Variants in SYT3 observed in about 807,000 individuals in gnomAD.
SYT3 encodes the protein synaptotagmin-3.
In SYT3, 25 loss-of-function variants were observed where a neutral mutation model predicts 50.6. The ratio of observed to expected loss-of-function variants is 0.49; its 90% CI spans 0.36 to 0.69. The LOEUF (loss-of-function observed/expected upper bound fraction) is 0.69, where lower values mean the gene tolerates loss of function less well. Ranked by LOEUF, SYT3 falls within the 30% of genes least tolerant of loss-of-function variation. The probability of loss-of-function intolerance (pLI) is 0.00; values close to 1 mark genes in which losing one functional copy is unlikely to be tolerated. For missense variants in SYT3, 589 were observed against 793.6 expected, an observed-to-expected ratio of 0.74 and a Z score of 3.10; for synonymous variants, 323 against 353.9, an observed-to-expected ratio of 0.91 and a Z score of 0.98.
intron 3 of SYT3, among the ~76,000 whole-genome samples, chr19:50,634,127 G>T (rs1165323004): frequency 6.6e-6 from 1 of 152,208 alleles, no homozygotes; most frequent in Non-Finnish European, 1.5e-5. Context: ...ACAATCAAAG[G>T]TTTTAGGCTT....
Position 50,632,276 on chromosome 19 carries a change from C to G in SYT3, c.674+10G>C. The G allele has an allele frequency of 6.5e-7, 1 of 1,548,304 alleles. No individual in the cohort carries two copies. Among genetic ancestry groups the G allele is most frequent in the Non-Finnish European group, 8.8e-7 (1 of 1,142,136 alleles). On this transcript the variant is annotated intron_variant, in intron 4 of 10. Coordinates refer to ENST00000600079, the MANE Select transcript of SYT3 (RefSeq NM_001160329.2). This position sits in a 1 kb window ranked among gnomAD's most constrained non-coding sequence, Gnocchi z 4.7. ...TCAGAGTGGACCCCCAACCCAGTAT[C>G]CTCTCTCACCTGGTAGTGGGTGCCA... is the stretch of plus-strand genomic sequence containing the variant.
At chr19:50,658,097 G>C in the SYT3 span, 5 of 1,535,796 alleles carry the variant, frequency 3.3e-6, no homozygotes, top group South Asian at 2.4e-5. Flanking sequence ...GAACATGAAC[G>C]TCATCTGTGG....
upstream of SYT3, among the ~76,000 whole-genome samples, chr19:50,641,110 G>GC (rs1984662221): frequency 6.6e-6 from 1 of 150,952 alleles, no homozygotes; most frequent in African/African-American, 2.4e-5. Flanking sequence ...GTGGTGGCGT[G>GC]CACCTGTAGT....
At chr19:50,655,683 C>CA in the SYT3 span, among the ~76,000 whole-genome samples, 1 of 151,722 alleles carries the variant, frequency 6.6e-6, no homozygotes, top group African/African-American at 2.4e-5. Flanking sequence ...AAACTGGATT[C>CA]AAGTGTTGTT....
chr19:50,656,241 G>T, the SYT3 span: 2 of 1,535,998 alleles, frequency 1.3e-6, no homozygotes, highest in Non-Finnish European at 1.7e-6. Context: ...AGTACCTGCG[G>T]CAGGTCATTG....
At position 50,632,349 on chromosome 19, in the gene SYT3, C is replaced by T. The variant is rs753013056; in HGVS notation, c.611G>A (p.Ser204Asn). The change falls in exon 4 of 11, where the codon AGT becomes AAT. Residue 204 changes from serine to asparagine, a missense_variant. Ser to Asn is a conservative substitution (Grantham distance 46). Around this residue, in one of 2 missense-constraint regions of SYT3, gnomAD observed 316 missense variants for 354.3 expected, o/e 0.89. Transcript: ENST00000600079. The surrounding 1 kb of genome is among the most constrained non-coding windows in gnomAD (Gnocchi z 4.7). ...CTGGGCACTGGGCAAGCCCCCACCA[C>T]TGGGGGGCAGCAGGAGCAACCCAGA... ...AGSGLLLLPP[S>N]GGGLPSAQSH... The T allele has an allele frequency of 2.5e-6, 4 of 1,608,550 alleles. No homozygotes were observed. In the South Asian group the frequency reaches 4.4e-5, roughly 18 times the overall value.
At chr19:50,623,214 A>G (rs961689941) in intron 9 of SYT3, among the ~76,000 whole-genome samples, 8 of 151,972 alleles carry the variant, frequency 5.3e-5, no homozygotes, top group African/African-American at 1.9e-4. Flanking sequence ...CTCACCAGAA[A>G]CTCCTGGGAA....
At chr19:50,642,428 C>G (rs914363751), upstream of SYT3, among the ~76,000 whole-genome samples, 1 of 152,274 alleles carries the variant, frequency 6.6e-6, no homozygotes, top group Non-Finnish European at 1.5e-5. Flanking sequence ...GGGCAGAGCA[C>G]TGGGATTCAA....
At chr19:50,647,549 G>A in the SYT3 span, among the ~76,000 whole-genome samples, 1 of 151,916 alleles carries the variant, frequency 6.6e-6, no homozygotes, top group Non-Finnish European at 1.5e-5. Flanking sequence ...GCGTAGTGGT[G>A]TGGGCCTGTG....
intron 3 of SYT3, among the ~76,000 whole-genome samples, chr19:50,634,523 G>A (rs1378837671): frequency 1.3e-5 from 2 of 151,228 alleles, no homozygotes; most frequent in Non-Finnish European, 2.9e-5. Context: ...CATATACCAG[G>A]CACTGGCAGA....
chr19:50,632,652 C>G lies in SYT3; in HGVS notation c.308G>C (p.Gly103Ala). 6.3e-7 allele frequency: 1 copy of G among 1,586,826 alleles called. No homozygotes were observed. Among genetic ancestry groups the G allele is most frequent in the East Asian group, 2.3e-5 (1 of 44,406 alleles). ...GGPLRKDLGP[G>A]VGLAGLVGGG... ...GCCTACCAGGCCTGCCAGCCCGACA[C>G]CAGGGCCTAGGTCTTTGCGCAGGGG... The change falls in exon 4 of 11, where the codon GGT becomes GCT. Residue 103 changes from glycine (G) to alanine (A), a missense_variant. Around this residue, in one of 2 missense-constraint regions of SYT3, gnomAD observed 316 missense variants for 354.3 expected, o/e 0.89. Transcript: ENST00000600079. This position sits in a 1 kb window ranked among gnomAD's most constrained non-coding sequence, Gnocchi z 4.7.
Position 50,632,213 on chromosome 19 carries a change from C to A in SYT3, c.674+73G>T, listed in dbSNP as rs550198215. The stretch of plus-strand genomic sequence containing the variant: ...CCTCCAAATCCCGAACTCATAAGAG[C>A]TATAGATAGGAAAGAGACACAGAGG... On this transcript the variant is annotated intron_variant, in intron 4 of 10. Coordinates refer to ENST00000600079, the MANE Select transcript of SYT3 (RefSeq NM_001160329.2). The surrounding 1 kb of genome is among the most constrained non-coding windows in gnomAD (Gnocchi z 4.7). The A allele has an allele frequency of 2.1e-6, 3 of 1,459,362 alleles. No individual in the cohort carries two copies. Among genetic ancestry groups the A allele is most frequent in the Non-Finnish European group, 2.8e-6 (3 of 1,084,238 alleles). The allele number at this position is 1,459,362 out of a possible 1,614,324, so 90.4% of individuals were successfully genotyped here. A position where few individuals can be genotyped will look rare whatever the true frequency, so the allele number is the denominator to read the frequency against.
the SYT3 span, among the ~76,000 whole-genome samples, chr19:50,651,630 G>T: frequency 6.6e-6 from 1 of 151,664 alleles, no homozygotes; most frequent in South Asian, 2.1e-4. Context: ...TTAAGCCCAG[G>T]AGTTCCTGGC....
chr19:50,658,080 G>C, the SYT3 span: 173 of 1,535,960 alleles, frequency 1.1e-4, no homozygotes, highest in African/African-American at 2.2e-3. Flanking sequence ...AGCAGCATCC[G>C]CTTTGAGAAC....
chr19:50,657,024 G>A, the SYT3 span, among the ~76,000 whole-genome samples: 1 of 151,508 alleles, frequency 6.6e-6, no homozygotes, highest in Admixed American at 6.6e-5. Context: ...GGAAAGGAAG[G>A]AAGGGAGGGA....
chr19:50,633,239 C>T (rs1714069292), intron 3 of SYT3, among the ~76,000 whole-genome samples: 1 of 152,182 alleles, frequency 6.6e-6, no homozygotes. Context: ...ACCTTGGCCT[C>T]CCAAAGTGCT....
Position 50,632,669 on chromosome 19 carries a change from G to T in SYT3, c.291C>A (p.Arg97=), listed in dbSNP as rs1316164832. The stretch of plus-strand genomic sequence containing the variant: ...GCCCGACACCAGGGCCTAGGTCTTT[G>T]CGCAGGGGGCCACCGCCCACTGCCG... ...GGSAVGGGPL[R]KDLGPGVGLA... is the part of the protein sequence containing the mutation. Residue 97 remains arginine (R), a synonymous_variant, in exon 4 of 11, where the codon CGC becomes CGA. Transcript: ENST00000600079. This position sits in a 1 kb window ranked among gnomAD's most constrained non-coding sequence, Gnocchi z 4.7. The T allele has an allele frequency of 3.8e-6, 6 of 1,590,224 alleles. No homozygotes were observed. Among genetic ancestry groups the T allele is most frequent in the Non-Finnish European group, 5.1e-6 (6 of 1,169,236 alleles).
rs376860461 is a variant in SYT3 at position 50,625,451 on chromosome 19, C to T, written c.1516G>A (p.Val506Met). The T allele has an allele frequency of 2.0e-5, 32 of 1,587,184 alleles. No individual in the cohort carries two copies. The highest frequency in any genetic ancestry group is 2.7e-5 in the Non-Finnish European group (31 of 1,166,634). The change falls in exon 8 of 11, where the codon GTG becomes ATG. Residue 506 changes from valine (V) to methionine (M), a missense_variant. Coordinates refer to ENST00000600079, the MANE Select transcript of SYT3 (RefSeq NM_001160329.2). The surrounding 1 kb of genome is among the most constrained non-coding windows in gnomAD (Gnocchi z 7.5). ...PTYNEALVFD[V>M]APESVENVGL... ...ACGTTCTCCACGCTCTCGGGGGCCA[C>T]GTCGAACACCAGCGCCTCATTATAG...
chr19:50,649,050 G>C, the SYT3 span, among the ~76,000 whole-genome samples: 3 of 150,336 alleles, frequency 2.0e-5, no homozygotes, highest in African/African-American at 7.4e-5. Flanking sequence ...GAGCCCAGGA[G>C]AGAAGGAGGG....
Sources: gnomAD v4.1 joint callset for allele counts (sites outside exome capture counted in the v4.1 genomes callset) on GRCh38, gnomAD v4.1.1 for gene constraint, gnomAD v4.1.1 regional missense constraint, Gnocchi (gnomAD v3.1) non-coding constraint, MANE v1.5 for transcripts, NCBI Gene and HGNC (gene_info 2026-07-23, HGNC 2026-07-21) for gene names.